Variants in PLSCR2 observed in about 807,000 individuals in gnomAD.
The protein encoded by PLSCR2 is PL scramblase 2.
A neutral mutation model predicts 25.3 loss-of-function variants in PLSCR2; 18 were observed. That is an observed-to-expected ratio of 0.71 (90% CI 0.49 to 1.06). PLSCR2 has a LOEUF of 1.06. PLSCR2 is among the 50% of genes least tolerant of loss of function. The probability of loss-of-function intolerance (pLI) is 0.00; values close to 1 mark genes in which losing one functional copy is unlikely to be tolerated. For missense variants in PLSCR2, 243 were observed against 269.5 expected (o/e 0.90, Z 0.69); for synonymous variants, 88 against 87.3 (o/e 1.01, Z -0.04).
intron 2 of PLSCR2, among the ~76,000 whole-genome samples, chr3:146,402,537 G>T (rs4681318): frequency 6.6e-6 from 1 of 151,548 alleles, no homozygotes; most frequent in African/African-American, 2.4e-5. Flanking sequence ...GCACAGTCTC[G>T]GCTCACTACA....
chr3:146,405,094 C>T lies in PLSCR2; in HGVS notation c.101-9173G>A, dbSNP rs1054326678. On this transcript the variant is annotated intron_variant and NMD_transcript_variant, in intron 2 of 3. Coordinates refer to the PLSCR2 transcript ENST00000463633. The stretch of plus-strand genomic sequence containing the variant: ...TAGCTGGCGGCCAAGAGAAGGCTAA[C>T]GCTCAAAATTCTCTCAGCCCTGAAG... Among the ~76,000 whole-genome samples the T allele has an allele frequency of 1.5e-4, 23 of 152,008 alleles. 1 individual carries two copies. The South Asian group carries it at 3.9e-3, about 26-fold the overall frequency.
upstream of PLSCR2, chr3:146,463,837 G>C: frequency 2.1e-6 from 2 of 973,122 alleles, no homozygotes; most frequent in Non-Finnish European, 2.4e-6. Flanking sequence ...CTCCTTACCT[G>C]CCATTTCAAA....
intron 2 of PLSCR2, among the ~76,000 whole-genome samples, chr3:146,403,907 C>T (rs779821754): frequency 3.9e-5 from 6 of 152,154 alleles, no homozygotes; most frequent in East Asian, 1.9e-4. Context: ...TTAACTTCCT[C>T]GTAAAACAAC....
intron 1 of PLSCR2, chr3:146,469,495 C>T (rs1366651400): frequency 1.0e-6 from 1 of 984,298 alleles, no homozygotes; most frequent in Non-Finnish European, 1.2e-6. Flanking sequence ...GCCCCCTTAC[C>T]CGTGGCTGCA....
chr3:146,484,739 C>G (rs182059850), intron 1 of PLSCR2, among the ~76,000 whole-genome samples: 75 of 152,176 alleles, frequency 4.9e-4, no homozygotes, highest in Admixed American at 1.0e-3. Context: ...GAAGCAAATG[C>G]TGAGGGCTAT....
chr3:146,421,570 G>T (rs1326962762), intron 2 of PLSCR2, among the ~76,000 whole-genome samples: 2 of 152,050 alleles, frequency 1.3e-5, no homozygotes. Context: ...CAGGTAAGTT[G>T]AAACGGTTTG....
At chr3:146,441,956 A>AG (rs1303430223) in intron 6 of PLSCR2, 135 bp from the exon 7 acceptor site, 1 of 567,348 alleles carries the variant, frequency 1.8e-6, no homozygotes, top group Non-Finnish European at 3.1e-6. Flanking sequence ...AAGTAATGTG[A>AG]GAAAAGTCTA....
intron 2 of PLSCR2, among the ~76,000 whole-genome samples, chr3:146,410,507 C>G (rs893808403): frequency 2.6e-5 from 4 of 152,170 alleles, no homozygotes; most frequent in African/African-American, 9.6e-5. Flanking sequence ...CACACTCGTT[C>G]TTGTAACAAC....
At chr3:146,449,816 G>A (rs1048297360) in intron 5 of PLSCR2, among the ~76,000 whole-genome samples, 1 of 152,058 alleles carries the variant, frequency 6.6e-6, no homozygotes, top group Non-Finnish European at 1.5e-5. Flanking sequence ...TAAATATGAA[G>A]AGAGGCCTCA....
intron 2 of PLSCR2, among the ~76,000 whole-genome samples, chr3:146,409,993 G>A (rs1032398731): frequency 6.6e-6 from 1 of 152,108 alleles, no homozygotes; most frequent in African/African-American, 2.4e-5. Flanking sequence ...TGGGTCAGTT[G>A]TATCTAGGCG....
chr3:146,473,502 C>T (rs1054918626), intron 1 of PLSCR2, among the ~76,000 whole-genome samples: 3 of 151,940 alleles, frequency 2.0e-5, no homozygotes, highest in South Asian at 4.2e-4. Context: ...GATGGGGTTT[C>T]GCCATGTTGG....
chr3:146,410,140 C>T (rs142284679), intron 2 of PLSCR2, among the ~76,000 whole-genome samples: 29 of 151,376 alleles, frequency 1.9e-4, no homozygotes, highest in African/African-American at 5.8e-4. Context: ...GTCTTGGAGA[C>T]GCTGAACTTG....
chr3:146,477,014 C>G (rs979813905), intron 1 of PLSCR2, among the ~76,000 whole-genome samples: 1 of 152,174 alleles, frequency 6.6e-6, no homozygotes, highest in Non-Finnish European at 1.5e-5. Flanking sequence ...AGCCAGGGTA[C>G]TTTGTTAAGT....
chr3:146,463,804 T>C (rs1011280834), upstream of PLSCR2: 39 of 916,738 alleles, frequency 4.3e-5, no homozygotes, highest in Admixed American at 6.2e-5. Flanking sequence ...AACTAAAATC[T>C]AGAATTCTCA....
intron 1 of PLSCR2, chr3:146,469,189 GCCC>G (rs2042002208): frequency 3.0e-6 from 3 of 983,920 alleles, no homozygotes; most frequent in Non-Finnish European, 3.6e-6. Flanking sequence ...CCCAGACTCT[GCCC>G]AGGATTCAGG....
At chr3:146,479,999 C>G (rs972145695) in intron 1 of PLSCR2, among the ~76,000 whole-genome samples, 1 of 151,988 alleles carries the variant, frequency 6.6e-6, no homozygotes, top group Admixed American at 6.6e-5. Flanking sequence ...GGGTAAATAA[C>G]AAAATGAAGG....
chr3:146,488,327 C>T lies in PLSCR2; in HGVS notation c.-293+7568G>A, dbSNP rs756156456. 1.3e-4 allele frequency among the ~76,000 whole-genome samples: 20 copies of T among 151,740 alleles called. 1 individual carries two copies. Among genetic ancestry groups the T allele is most frequent in the South Asian group, 2.1e-4 (1 of 4,816 alleles). On this transcript the variant is annotated intron_variant, in intron 1 of 8. Coordinates refer to the PLSCR2 transcript ENST00000336685. ...TGCAACAAAAGTAAAAATTAACAAA[C>T]GGGACTTAATTAAACTAAGGAGCTT... is the stretch of plus-strand genomic sequence containing the variant.
chr3:146,475,018 TA>T (rs1213184430), intron 1 of PLSCR2, among the ~76,000 whole-genome samples: 2 of 152,028 alleles, frequency 1.3e-5, no homozygotes, highest in Non-Finnish European at 2.9e-5. Flanking sequence ...CTAAACTGGT[TA>T]TTCTAGTTAG....
chr3:146,414,092 G>C (rs2038935480), intron 2 of PLSCR2, among the ~76,000 whole-genome samples: 1 of 152,208 alleles, frequency 6.6e-6, no homozygotes, highest in Non-Finnish European at 1.5e-5. Flanking sequence ...ATGTGTAAGA[G>C]AGAGGGGGAG....
Sources: allele counts gnomAD v4.1 joint callset (sites outside exome capture counted in the v4.1 genomes callset), GRCh38; gene constraint gnomAD v4.1.1; transcripts MANE v1.5; gene names NCBI Gene and HGNC (gene_info 2026-07-23, HGNC 2026-07-21).